MBNL3: variants seen among roughly 807,000 people sequenced by gnomAD.
MBNL3 encodes muscleblind like splicing regulator 3, also known as muscleblind-like protein 3.
In MBNL3, 6 loss-of-function variants were observed where a neutral mutation model predicts 24.5. The ratio of observed to expected loss-of-function variants is 0.25; its 90% confidence interval spans 0.13 to 0.48. The LOEUF is 0.48. Among genes scored for constraint, MBNL3 ranks in the 20% least tolerant of loss-of-function variants. The pLI, the probability that MBNL3 is intolerant of heterozygous loss-of-function variation, is 0.99. For missense variants in MBNL3, 230 were observed against 293.5 expected, an observed-to-expected ratio of 0.78 and a Z score of 1.58; for synonymous variants, 100 against 101.7, an observed-to-expected ratio of 0.98 and a Z score of 0.10.
intron 1 of MBNL3, among the ~76,000 whole-genome samples, chrX:132,447,361 C>G (rs753005507): frequency 8.9e-6 from 1 of 111,750 alleles, no homozygotes; most frequent in African/African-American, 3.3e-5. Context: ...GCCATTTTCA[C>G]GATATTGATT....
chrX:132,470,704 G>A (rs144216309), intron 1 of MBNL3, among the ~76,000 whole-genome samples: 2 of 111,598 alleles, frequency 1.8e-5, no homozygotes, highest in African/African-American at 6.5e-5. Flanking sequence ...ATCAAATGAT[G>A]CTTTCCCCCC....
intron 1 of MBNL3, among the ~76,000 whole-genome samples, chrX:132,481,504 T>G (rs1947733438): frequency 1.8e-5 from 2 of 112,160 alleles, no homozygotes; most frequent in South Asian, 7.4e-4. Flanking sequence ...AGCTGGAGAC[T>G]ACAATATCCC....
rs772585854 is a variant in MBNL3, at chrX:132,428,723, G to T, written c.177+10712C>A. Among the ~76,000 whole-genome samples, 40 of 111,701 alleles carry T rather than the reference G, an allele frequency of 3.6e-4. 1 individual carries two copies. The highest frequency in any genetic ancestry group is 7.0e-4 in the Non-Finnish European group (37 of 53,060). On this transcript the variant is annotated intron_variant, in intron 2 of 8. Coordinates refer to ENST00000370853, the MANE Select transcript of MBNL3 (RefSeq NM_001386889.1). ...TACATGCAGAAAGGTCATCTGCAAG[G>T]GCAAACAGAACAGTAAGTAAACAAT...
intron 2 of MBNL3, among the ~76,000 whole-genome samples, chrX:132,416,820 G>A (rs1943342660): frequency 8.9e-6 from 1 of 111,849 alleles, no homozygotes; most frequent in Non-Finnish European, 1.9e-5. Context: ...TAAATGTATC[G>A]TGTATTTAAG....
intron 3 of MBNL3, among the ~76,000 whole-genome samples, chrX:132,401,371 G>C (rs145691766): frequency 1.2e-4 from 13 of 110,987 alleles, no homozygotes; most frequent in African/African-American, 3.9e-4. Context: ...GGTCAAGGCA[G>C]GAGGATTGCT....
intron 1 of MBNL3, among the ~76,000 whole-genome samples, chrX:132,474,259 C>T (rs368552949): frequency 3.2e-4 from 36 of 111,250 alleles, no homozygotes; most frequent in African/African-American, 1.1e-3. Context: ...CAGAGTAAAC[C>T]TATATCCTCT....
At chrX:132,424,840 TA>T (rs1295337552) in intron 2 of MBNL3, among the ~76,000 whole-genome samples, 2 of 109,824 alleles carry the variant, frequency 1.8e-5, no homozygotes, top group African/African-American at 6.6e-5. Context: ...TGTCACTTTT[TA>T]AAGGTATTTC....
intron 2 of MBNL3, among the ~76,000 whole-genome samples, chrX:132,422,566 A>G (rs760167758): frequency 8.9e-6 from 1 of 112,152 alleles, no homozygotes; most frequent in South Asian, 3.7e-4. Flanking sequence ...GAGGGAAAAT[A>G]TAATAGGTCT....
At position 132,440,318 on chromosome X, in the gene MBNL3, C is replaced by A. The variant is rs1008674339; in HGVS notation, c.-703-4G>T. 9.1e-6 allele frequency among the ~76,000 whole-genome samples: 1 copy of A among 110,279 alleles called. No homozygotes were observed. Among genetic ancestry groups the A allele is most frequent in the South Asian group, 3.8e-4 (1 of 2,604 alleles). On this transcript the variant is annotated splice_polypyrimidine_tract_variant and splice_region_variant and intron_variant, in intron 1 of 8. Coordinates refer to ENST00000370853, the MANE Select transcript of MBNL3 (RefSeq NM_001386889.1). ...CAGAAAAGGCACTTTTCAGAACCTG[C>A]AAGAAAAAAATAAATAAAATTAGCT... is the stretch of plus-strand genomic sequence containing the variant.
At chrX:132,390,265 C>CAAAAAAAAAAA (rs59093044) in intron 5 of MBNL3, among the ~76,000 whole-genome samples, 1 of 31,616 alleles carries the variant, frequency 3.2e-5, no homozygotes. Flanking sequence ...ACAACAACAA[C>CAAAAAAAAAAA]AAAAAAAAAA....
chrX:132,378,102 A>ACAT lies in MBNL3; in HGVS notation c.*1561_*1563dup, dbSNP rs1351229754. The stretch of plus-strand genomic sequence containing the variant: ...AAACCCTTTCTATTGTCATTTTCAA[A>ACAT]CATATATAAAGGCAAACGAATCCAA... On this transcript the variant is annotated 3_prime_UTR_variant, in exon 9 of 9. Transcript: ENST00000370853. The ACAT allele has an allele frequency of 2.7e-5, 3 of 110,562 alleles. No individual in the cohort carries two copies. The highest frequency in any genetic ancestry group is 9.8e-5 in the African/African-American group (3 of 30,470). 9.1% of individuals were successfully genotyped at this position (110,562 alleles called of 1,213,427 possible). A position where few individuals can be genotyped will look rare whatever the true frequency, so the allele number is the denominator to read the frequency against.
At position 132,419,994 on chromosome X, in the gene MBNL3, T is replaced by TG. The variant is rs557336083; in HGVS notation, c.178-13603dup. On this transcript the variant is annotated intron_variant, in intron 2 of 8. Transcript: ENST00000370853. ...TGAGGCTGCAGTGAGCCATTGTTACTGGGGGTCCTTGTTCTTAGAGCTCCT... is the reference window on the plus strand; with the variant it reads ...TGAGGCTGCAGTGAGCCATTGTTACTGGGGGGTCCTTGTTCTTAGAGCTCCT... Among the ~76,000 whole-genome samples the TG allele has an allele frequency of 7.2e-4, 80 of 111,392 alleles. No individual in the cohort carries two copies. In the South Asian group the frequency reaches 0.029, roughly 40 times the overall value.
chrX:132,394,247 T>C (rs1937613023), intron 3 of MBNL3, among the ~76,000 whole-genome samples: 1 of 111,742 alleles, frequency 8.9e-6, no homozygotes, highest in Non-Finnish European at 1.9e-5. Context: ...CTAGCTCTTA[T>C]GATGTAATAG....
Position 132,374,735 on chromosome X carries a change from G to A in MBNL3, c.*4931C>T, listed in dbSNP as rs1339550994. 1 of 111,368 alleles carries A rather than the reference G, an allele frequency of 9.0e-6. No homozygotes were observed. The highest frequency in any genetic ancestry group is 1.9e-5 in the Non-Finnish European group (1 of 52,832). The allele number at this position is 111,368 out of a possible 1,213,427, so 9.2% of individuals were successfully genotyped here. On this transcript the variant is annotated 3_prime_UTR_variant, in exon 9 of 9. Coordinates refer to ENST00000370853, the MANE Select transcript of MBNL3 (RefSeq NM_001386889.1). ...CATATGTTTCTTAAACACTGTTAAG[G>A]GGTCATTCCACAGTATCTTTATGTA...
At chrX:132,410,186 G>A (rs989514586) in intron 2 of MBNL3, among the ~76,000 whole-genome samples, 1 of 111,802 alleles carries the variant, frequency 8.9e-6, no homozygotes, top group Non-Finnish European at 1.9e-5. Context: ...CTACCTTCAG[G>A]CTTCTCCCAA....
In MBNL3 at chrX:132,384,649, T is replaced by A; in HGVS notation, c.958+14A>T. On this transcript the variant is annotated intron_variant, in intron 7 of 8. Coordinates refer to ENST00000370853, the MANE Select transcript of MBNL3 (RefSeq NM_001386889.1). ...CAGATTAGAAAATGTTGATAATTTT[T>A]GTAGAAAACCTACCAATATTTGAAG... 8.4e-7 allele frequency: 1 copy of A among 1,190,578 alleles called. No individual in the cohort carries two copies. Among genetic ancestry groups the A allele is most frequent in the South Asian group, 1.8e-5 (1 of 54,317 alleles).
Position 132,376,204 on chromosome X carries a change from G to C in MBNL3, c.*3462C>G, listed in dbSNP as rs1048978037. 2 of 111,155 alleles carry C rather than the reference G, an allele frequency of 1.8e-5. No individual in the cohort carries two copies. Among genetic ancestry groups the C allele is most frequent in the African/African-American group, 3.3e-5 (1 of 30,650 alleles). 9.2% of individuals were successfully genotyped at this position (111,155 alleles called of 1,213,427 possible). A position where few individuals can be genotyped will look rare whatever the true frequency, so the allele number is the denominator to read the frequency against. ...ATGAAAAAAATTGATGGAGTAGAGA[G>C]AAGATGACTTTCCACATCATGATTA... On this transcript the variant is annotated 3_prime_UTR_variant, in exon 9 of 9. Coordinates refer to ENST00000370853, the MANE Select transcript of MBNL3 (RefSeq NM_001386889.1).
chrX:132,377,548 G>A lies in MBNL3; in HGVS notation c.*2118C>T, dbSNP rs939429301. On this transcript the variant is annotated 3_prime_UTR_variant, in exon 9 of 9. Coordinates refer to ENST00000370853, the MANE Select transcript of MBNL3 (RefSeq NM_001386889.1). ...CTTATATTCTGAGCCAAATGGGTCT[G>A]CTTTGGAAGAGAGCATCAAATGTTC... The A allele has an allele frequency of 1.8e-5, 2 of 111,232 alleles. No homozygotes were observed. The highest frequency in any genetic ancestry group is 3.7e-4 in the South Asian group (1 of 2,669). The allele number at this position is 111,232 out of a possible 1,213,427, so 9.2% of individuals were successfully genotyped here.
intron 2 of MBNL3, among the ~76,000 whole-genome samples, chrX:132,412,711 C>G (rs1942901373): frequency 8.9e-6 from 1 of 112,152 alleles, no homozygotes; most frequent in Admixed American, 9.4e-5. Context: ...CTGCCCTATT[C>G]CACCCCACTT....
Sources: gnomAD v4.1 joint callset for allele counts (sites outside exome capture counted in the v4.1 genomes callset) on GRCh38, gnomAD v4.1.1 for gene constraint, MANE v1.5 for transcripts, NCBI Gene and HGNC (gene_info 2026-07-23, HGNC 2026-07-21) for gene names.